The following NGLY1 variants were observed in gnomAD, a reference collection of about 807,000 sequenced individuals.
NGLY1 encodes peptide-N(4)-(N-acetyl-beta-glucosaminyl)asparagine amidase.
In NGLY1, 68 loss-of-function variants were observed where a neutral mutation model predicts 84.6. The observed-to-expected ratio is 0.80, with a 90% CI of 0.66 to 0.98. The LOEUF (loss-of-function observed/expected upper bound fraction) is 0.98, where lower values mean the gene tolerates loss of function less well. NGLY1 is among the 50% of genes least tolerant of loss of function. The pLI is 0.00. For synonymous variants in NGLY1, 280 were observed against 275.2 expected, an observed-to-expected ratio of 1.02 and a Z score of -0.17; for missense variants, 779 against 770.2, an observed-to-expected ratio of 1.01 and a Z score of -0.14.
upstream of NGLY1, among the ~76,000 whole-genome samples, chr3:25,786,732 A>G (rs185446724): frequency 6.6e-6 from 1 of 152,340 alleles, no homozygotes; most frequent in East Asian, 1.9e-4. Flanking sequence ...TAAATTTCAG[A>G]TGATTTTTTT....
At chr3:25,759,579 G>T (rs185362312) in intron 3 of NGLY1, among the ~76,000 whole-genome samples, 26 of 151,972 alleles carry the variant, frequency 1.7e-4, no homozygotes, top group Admixed American at 5.9e-4. Flanking sequence ...CATATTCATT[G>T]GCACAACTCT....
chr3:25,720,192 C>A lies in NGLY1; in HGVS notation c.1612-1G>T. On this transcript the variant is annotated splice_acceptor_variant, in intron 10 of 11. Transcript: ENST00000280700. LOFTEE classifies it high-confidence loss of function. ...ATCCTTCCTTTCGGGCCAAATATAC[C>A]TATAAGGAGTAGGGATGGGGAGAAA... 3 of 1,611,618 alleles carry A rather than the reference C, an allele frequency of 1.9e-6. No homozygotes were observed. Among genetic ancestry groups the A allele is most frequent in the Non-Finnish European group, 2.5e-6 (3 of 1,178,276 alleles).
chr3:25,772,683 T>C lies in NGLY1; in HGVS notation c.246+5891A>G, dbSNP rs536647071. Reference sequence around the variant, plus strand: ...TCTAGTGATCATGCTAGTTGTTGTGTGAATACTTTGTTTTTTTTTCATTAT... The same window carrying C: ...TCTAGTGATCATGCTAGTTGTTGTGCGAATACTTTGTTTTTTTTTCATTAT... On this transcript the variant is annotated intron_variant, in intron 2 of 11. Transcript: ENST00000280700. Among the ~76,000 whole-genome samples the C allele has an allele frequency of 5.1e-5, 5 of 97,822 alleles. No individual in the cohort carries two copies. In the South Asian group the frequency reaches 1.7e-3, roughly 33 times the overall value. 64.2% of individuals were successfully genotyped at this position (97,822 alleles called of 152,430 possible).
At chr3:25,748,918 T>C (rs1193214277) in intron 4 of NGLY1, among the ~76,000 whole-genome samples, 2 of 151,986 alleles carry the variant, frequency 1.3e-5, no homozygotes, top group Non-Finnish European at 2.9e-5. Flanking sequence ...AAAAAGTTTT[T>C]AAAAAGAATG....
At chr3:25,764,460 T>C in intron 2 of NGLY1, 149 bp from the exon 3 acceptor site, 2 of 884,714 alleles carry the variant, frequency 2.3e-6, no homozygotes. Context: ...ATGGTTCTTT[T>C]TAAATACAGC....
Position 25,739,766 on chromosome 3 carries a change from A to T in NGLY1, c.692T>A (p.Leu231Gln), listed in dbSNP as rs751255754. ...TTCCTTAAACCAGTGCAAAAGCTCC[A>T]GCAAAAGAAAATCCTCATCACTTAT... ...INISDEDFLL[L>Q]ELLHWFKEEF... Residue 231 changes from leucine (L) to glutamine (Q), a missense_variant, in exon 5 of 12, where the codon CTG becomes CAG. Coordinates refer to ENST00000280700, the MANE Select transcript of NGLY1 (RefSeq NM_018297.4). The T allele has an allele frequency of 6.2e-7, 1 of 1,614,062 alleles. No homozygotes were observed. Among genetic ancestry groups the T allele is most frequent in the Non-Finnish European group, 8.5e-7 (1 of 1,179,996 alleles).
intron 2 of NGLY1, among the ~76,000 whole-genome samples, chr3:25,773,919 G>A (rs536717691): frequency 2.6e-5 from 4 of 152,238 alleles, no homozygotes; most frequent in African/African-American, 9.6e-5. Flanking sequence ...GAGCTACTGG[G>A]CTCTGAACTG....
chr3:25,737,156 C>T (rs1445831321), intron 6 of NGLY1, 178 bp downstream of exon 6: 1 of 516,434 alleles, frequency 1.9e-6, no homozygotes, highest in Non-Finnish European at 3.4e-6. Flanking sequence ...TTTTACAAAA[C>T]TCTTGTGATC....
At chr3:25,724,633 T>C (rs77434762) in intron 10 of NGLY1, among the ~76,000 whole-genome samples, 1 of 152,288 alleles carries the variant, frequency 6.6e-6, no homozygotes, top group East Asian at 1.9e-4. Context: ...TTTACCTCTC[T>C]AGTCTCATTT....
At chr3:25,729,544 T>G (rs1705434544) in intron 9 of NGLY1, 1 of 295,452 alleles carries the variant, frequency 3.4e-6, no homozygotes, top group East Asian at 5.6e-5. Context: ...AGCTCTGACT[T>G]ATATTTTTGT....
At chr3:25,750,977 C>T in intron 4 of NGLY1, 121 bp downstream of exon 4, 2 of 951,078 alleles carry the variant, frequency 2.1e-6, no homozygotes, top group East Asian at 2.7e-5. Flanking sequence ...AAAGAATCCA[C>T]ATATAAGTGG....
chr3:25,755,762 T>C, intron 3 of NGLY1: 1 of 833,424 alleles, frequency 1.2e-6, no homozygotes, highest in South Asian at 1.9e-5. Context: ...TTCTAGATCT[T>C]CTCGTTTTAC....
intron 1 of NGLY1, among the ~76,000 whole-genome samples, chr3:25,782,007 G>C (rs1559562539): frequency 6.6e-6 from 1 of 152,290 alleles, no homozygotes. Context: ...AGGCCTCAAA[G>C]AGTAAAAAAG....
rs1457630772 is a variant in NGLY1, at chr3:25,745,336, C to A, written c.659-5537G>T. Among the ~76,000 whole-genome samples the A allele has an allele frequency of 2.0e-5, 3 of 152,264 alleles. No individual in the cohort carries two copies. The East Asian group carries it at 5.8e-4, about 29-fold the overall frequency. On this transcript the variant is annotated intron_variant, in intron 4 of 11. Coordinates refer to ENST00000280700, the MANE Select transcript of NGLY1 (RefSeq NM_018297.4). ...GAACCTCTGTAATCCTACCTCTCCA[C>A]CCTGTCCTCTCAATTTTAGCAATCT...
chr3:25,767,364 G>A (rs1707637307), intron 2 of NGLY1, among the ~76,000 whole-genome samples: 1 of 151,510 alleles, frequency 6.6e-6, no homozygotes, highest in Admixed American at 6.6e-5. Context: ...TTTTTGTTGA[G>A]ACAATTCTTA....
intron 7 of NGLY1, 98 bp downstream of exon 7, chr3:25,735,906 G>T: frequency 9.9e-7 from 1 of 1,012,720 alleles, no homozygotes; most frequent in Non-Finnish European, 1.4e-6. Flanking sequence ...TTAAATATAT[G>T]CAGGTTATTG....
At chr3:25,768,790 C>G (rs1474057094) in intron 2 of NGLY1, among the ~76,000 whole-genome samples, 1 of 151,746 alleles carries the variant, frequency 6.6e-6, no homozygotes, top group African/African-American at 2.4e-5. Flanking sequence ...GATCCGCCCA[C>G]CTTGGCCTCC....
upstream of NGLY1, among the ~76,000 whole-genome samples, chr3:25,786,692 A>C (rs1014117355): frequency 6.6e-6 from 1 of 152,214 alleles, no homozygotes; most frequent in African/African-American, 2.4e-5. Flanking sequence ...CTTTAACAGA[A>C]GTGTTGCTAA....
In NGLY1 at chr3:25,719,472, G is replaced by C. The variant is rs775279899; in HGVS notation, c.1953C>G (p.Phe651Leu). The C allele has an allele frequency of 5.6e-6, 9 of 1,613,368 alleles. No individual in the cohort carries two copies. The highest frequency in any genetic ancestry group is 6.8e-6 in the Non-Finnish European group (8 of 1,179,592). ...AATGTTCAGGTTCTCAAAGGTCACTGAATTTTATAATTATCTCCAAACAAT... is the reference window on the plus strand; with the variant it reads ...AATGTTCAGGTTCTCAAAGGTCACTCAATTTTATAATTATCTCCAAACAAT... ...EENCLEIIIKFSDL is the reference protein window; with the variant it reads ...EENCLEIIIKLSDL Residue 651 changes from phenylalanine (F) to leucine (L), a missense_variant, in exon 12 of 12, where the codon TTC (phenylalanine) becomes TTG (leucine). Transcript: ENST00000280700.
Sources: allele counts gnomAD v4.1 joint callset (sites outside exome capture counted in the v4.1 genomes callset), GRCh38; gene constraint gnomAD v4.1.1; transcripts MANE v1.5; gene names NCBI Gene and HGNC (gene_info 2026-07-23, HGNC 2026-07-21).